The following PPP1R12B variants were observed in gnomAD, a reference collection of about 807,000 sequenced individuals.
PPP1R12B encodes the protein myosin phosphatase target subunit 2.
Under a neutral mutation model 126.1 loss-of-function variants are expected in PPP1R12B, and 76 were observed. That is an observed-to-expected ratio of 0.60 (90% CI 0.50 to 0.73). The LOEUF (loss-of-function observed/expected upper bound fraction) is 0.73. Ranked by LOEUF, PPP1R12B falls within the 30% of genes least tolerant of loss-of-function variation. The pLI is 0.00. For missense variants in PPP1R12B, 1,052 were observed against 1,205.1 expected, an observed-to-expected ratio of 0.87 and a Z score of 1.88; for synonymous variants, 356 against 434.7, an observed-to-expected ratio of 0.82 and a Z score of 2.25.
At chr1:202,517,152 A>T (rs1034305235) in intron 18 of PPP1R12B, among the ~76,000 whole-genome samples, 6 of 152,242 alleles carry the variant, frequency 3.9e-5, no homozygotes, top group African/African-American at 1.4e-4. Flanking sequence ...ACAGCTCTTA[A>T]GAGTTTCTGG....
intron 1 of PPP1R12B, among the ~76,000 whole-genome samples, chr1:202,363,230 C>G (rs1182461251): frequency 6.6e-6 from 1 of 152,198 alleles, no homozygotes; most frequent in Non-Finnish European, 1.5e-5. Flanking sequence ...CTGTTGTATA[C>G]TGGGATACAA....
intron 8 of PPP1R12B, among the ~76,000 whole-genome samples, chr1:202,432,160 CAG>C (rs1006797857): frequency 6.6e-6 from 1 of 152,026 alleles, no homozygotes; most frequent in Non-Finnish European, 1.5e-5. Context: ...ATTTCCTAAA[CAG>C]AATCCTAAAA....
At chr1:202,547,417 A>G (rs1487345879) in intron 18 of PPP1R12B, among the ~76,000 whole-genome samples, 1 of 152,210 alleles carries the variant, frequency 6.6e-6, no homozygotes. Context: ...AAAATCCAAC[A>G]GCTTTCTTTG....
At chr1:202,521,903 AT>A (rs1321924792) in intron 18 of PPP1R12B, among the ~76,000 whole-genome samples, 1 of 152,192 alleles carries the variant, frequency 6.6e-6, no homozygotes, top group Non-Finnish European at 1.5e-5. Context: ...TACATACATG[AT>A]AATAAAATCG....
chr1:202,474,313 G>T (rs1158798720), intron 13 of PPP1R12B, among the ~76,000 whole-genome samples: 1 of 150,682 alleles, frequency 6.6e-6, no homozygotes, highest in Non-Finnish European at 1.5e-5. Context: ...TTGAGACAGA[G>T]TCCCACTCTT....
chr1:202,540,330 G>A (rs1318932880), intron 18 of PPP1R12B: 6 of 1,110,700 alleles, frequency 5.4e-6, no homozygotes, highest in Non-Finnish European at 6.3e-6. Context: ...TAGGTTTAGA[G>A]CAAAGGGATT....
At chr1:202,499,359 A>T (rs1306824906) in intron 18 of PPP1R12B, among the ~76,000 whole-genome samples, 8 of 152,040 alleles carry the variant, frequency 5.3e-5, no homozygotes, top group Non-Finnish European at 1.5e-5. Flanking sequence ...GGCTCAAGTG[A>T]TCCTACTACC....
chr1:202,553,893 C>T (rs1300686532), intron 18 of PPP1R12B, among the ~76,000 whole-genome samples: 1 of 152,124 alleles, frequency 6.6e-6, no homozygotes, highest in African/African-American at 2.4e-5. Flanking sequence ...CCCACTCTGT[C>T]TTATCTCCTC....
At chr1:202,383,640 C>T (rs1444271852) in intron 1 of PPP1R12B, among the ~76,000 whole-genome samples, 2 of 152,080 alleles carry the variant, frequency 1.3e-5, no homozygotes, top group Non-Finnish European at 2.9e-5. Context: ...ACAAGGATTG[C>T]TTGAACCCAG....
intron 1 of PPP1R12B, among the ~76,000 whole-genome samples, chr1:202,350,133 A>C (rs538272776): frequency 1.9e-4 from 29 of 152,238 alleles, no homozygotes; most frequent in Non-Finnish European, 4.1e-4. Flanking sequence ...ACTTTATATC[A>C]GACCACTTCC....
intron 1 of PPP1R12B, chr1:202,410,156 C>T (rs1291505419): frequency 6.6e-6 from 1 of 152,118 alleles, no homozygotes; most frequent in Admixed American, 6.5e-5. Context: ...TATGTAGGGG[C>T]CATGCCAATC....
chr1:202,367,323 T>C (rs1659409515), intron 1 of PPP1R12B, among the ~76,000 whole-genome samples: 1 of 152,224 alleles, frequency 6.6e-6, no homozygotes, highest in Non-Finnish European at 1.5e-5. Flanking sequence ...TTTTGCTACT[T>C]ACATAAGCTT....
intron 18 of PPP1R12B, among the ~76,000 whole-genome samples, chr1:202,545,293 G>A (rs1272853205): frequency 6.6e-6 from 1 of 152,182 alleles, no homozygotes; most frequent in Non-Finnish European, 1.5e-5. Flanking sequence ...AAACCTGTGG[G>A]AATAAAAGTA....
chr1:202,573,849 TC>T (rs1688846889), intron 23 of PPP1R12B, among the ~76,000 whole-genome samples: 2 of 152,180 alleles, frequency 1.3e-5, no homozygotes, highest in Non-Finnish European at 2.9e-5. Context: ...TTTTATGGTT[TC>T]TCCAGCTTTT....
chr1:202,481,044 G>C (rs1333457939), intron 13 of PPP1R12B, among the ~76,000 whole-genome samples: 2 of 152,200 alleles, frequency 1.3e-5, no homozygotes, highest in African/African-American at 4.8e-5. Context: ...GCATTAGTTA[G>C]ATTCTCATAA....
intron 1 of PPP1R12B, among the ~76,000 whole-genome samples, chr1:202,359,341 C>T (rs1023636939): frequency 2.0e-5 from 3 of 151,942 alleles, no homozygotes; most frequent in African/African-American, 7.2e-5. Context: ...GTTGGCCAGG[C>T]TGGTCTCAAA....
chr1:202,446,213 A>ACTCTCTCTCTCTCTCTCTCTCTCT (rs3077313), intron 12 of PPP1R12B, among the ~76,000 whole-genome samples: 1 of 64,520 alleles, frequency 1.5e-5, no homozygotes, highest in Non-Finnish European at 2.8e-5. Flanking sequence ...ATATTATATT[A>ACTCTCTCTCTCTCTCTCTCTCTCT]CTCTCTCTCT....
chr1:202,501,780 G>C (rs1159921378), intron 18 of PPP1R12B: 17 of 886,658 alleles, frequency 1.9e-5, no homozygotes, highest in Non-Finnish European at 2.2e-5. Context: ...CTCTTTGTTT[G>C]ACTGTAGTGA....
intron 6 of PPP1R12B, 39 bp downstream of exon 6, chr1:202,428,968 G>C: frequency 6.5e-7 from 1 of 1,533,850 alleles, no homozygotes; most frequent in South Asian, 1.2e-5. Context: ...TTTTCTAATA[G>C]TTTGCAGTTC....
Sources: gnomAD v4.1 joint callset for allele counts (sites outside exome capture counted in the v4.1 genomes callset) on GRCh38, gnomAD v4.1.1 for gene constraint, MANE v1.5 for transcripts, NCBI Gene and HGNC (gene_info 2026-07-23, HGNC 2026-07-21) for gene names.